SPAG16: variants seen among roughly 807,000 people sequenced by gnomAD.
The protein encoded by SPAG16 is sperm associated antigen 16.
Under a neutral mutation model 80.4 loss-of-function variants are expected in SPAG16, and 86 were observed. That is an observed-to-expected ratio of 1.07 (90% CI 0.90 to 1.28). The LOEUF (loss-of-function observed/expected upper bound fraction) is 1.28, where lower values mean the gene tolerates loss of function less well. Among genes scored for constraint, SPAG16 ranks in the 50% most tolerant of loss-of-function variants. SPAG16 has a pLI of 0.00. For missense variants in SPAG16, 870 were observed against 765.3 expected (o/e 1.14, Z -1.61); for synonymous variants, 294 against 265.9 (o/e 1.11, Z -1.03).
chr2:214,045,652 T>G (rs2049278214), intron 13 of SPAG16, among the ~76,000 whole-genome samples: 1 of 152,154 alleles, frequency 6.6e-6, no homozygotes, highest in South Asian at 2.1e-4. Context: ...TAAAATTTTC[T>G]TGAAACAAAT....
chr2:213,464,394 G>A (rs2072559450), intron 9 of SPAG16, among the ~76,000 whole-genome samples: 1 of 152,174 alleles, frequency 6.6e-6, no homozygotes, highest in Non-Finnish European at 1.5e-5. Context: ...AGATGGTACT[G>A]TATACCTAGT....
rs577613506 is a variant in SPAG16 at position 213,599,566 on chromosome 2, G to A, written c.1070+109476G>A. ...TTAGAATAACATTTTCTTTTCTATA[G>A]AGCTTACTTTATTGTAAGAATACAG... On this transcript the variant is annotated intron_variant, in intron 10 of 15. Transcript: ENST00000331683. Among the ~76,000 whole-genome samples, 15 of 152,192 alleles carry A rather than the reference G, an allele frequency of 9.9e-5. No individual in the cohort carries two copies. The East Asian group carries it at 2.9e-3, about 29-fold the overall frequency.
chr2:213,916,015 C>G (rs1268126523), intron 11 of SPAG16, among the ~76,000 whole-genome samples: 2 of 152,040 alleles, frequency 1.3e-5, no homozygotes, highest in Admixed American at 6.6e-5. Context: ...GGATATTAAT[C>G]CTTTGTCAGA....
chr2:213,753,328 T>C (rs1285957690), intron 10 of SPAG16, among the ~76,000 whole-genome samples: 2 of 152,142 alleles, frequency 1.3e-5, no homozygotes, highest in Non-Finnish European at 1.5e-5. Flanking sequence ...TTCAATCTTA[T>C]GCTATTTATC....
chr2:213,572,997 T>G (rs1310137628), intron 10 of SPAG16, among the ~76,000 whole-genome samples: 1 of 151,388 alleles, frequency 6.6e-6, no homozygotes, highest in Non-Finnish European at 1.5e-5. Flanking sequence ...AGTGACCCGA[T>G]TTTCCAGGTG....
chr2:213,944,849 G>A (rs1447798810), intron 12 of SPAG16, among the ~76,000 whole-genome samples: 2 of 151,966 alleles, frequency 1.3e-5, no homozygotes, highest in Non-Finnish European at 2.9e-5. Context: ...AGAGACATGA[G>A]ATGGCGAAAC....
intron 15 of SPAG16, among the ~76,000 whole-genome samples, chr2:214,250,512 A>G (rs17766701): frequency 0.061 from 9,188 of 150,668 alleles, 329 homozygotes; most frequent in Middle Eastern, 0.11. Flanking sequence ...TAGTATGTAC[A>G]GAAGGAAGAA....
chr2:213,982,113 C>T (rs1324193789), intron 12 of SPAG16, among the ~76,000 whole-genome samples: 1 of 149,392 alleles, frequency 6.7e-6, no homozygotes, highest in Non-Finnish European at 1.5e-5. Flanking sequence ...GTTATAATAA[C>T]GTTAGAGTTC....
At chr2:214,374,170 C>A (rs1356548470) in intron 15 of SPAG16, among the ~76,000 whole-genome samples, 2 of 152,210 alleles carry the variant, frequency 1.3e-5, no homozygotes, top group Non-Finnish European at 2.9e-5. Flanking sequence ...ATGTTATGGG[C>A]AACTTGTAAA....
intron 10 of SPAG16, among the ~76,000 whole-genome samples, chr2:213,556,960 T>G (rs1008967594): frequency 6.6e-6 from 1 of 152,156 alleles, no homozygotes; most frequent in African/African-American, 2.4e-5. Flanking sequence ...CAAAATAATA[T>G]CAGTCATGAT....
chr2:213,896,597 C>T (rs576416034), intron 11 of SPAG16, among the ~76,000 whole-genome samples: 31,518 of 141,048 alleles, frequency 0.22, 4,554 homozygotes, highest in South Asian at 0.35. Context: ...CACACGCACA[C>T]ACACACACAC....
At chr2:214,123,452 C>T (rs1320652985) in intron 14 of SPAG16, among the ~76,000 whole-genome samples, 1 of 151,840 alleles carries the variant, frequency 6.6e-6, no homozygotes, top group Admixed American at 6.6e-5. Context: ...ACTTTAAAAC[C>T]TTTTGGCATA....
intron 10 of SPAG16, among the ~76,000 whole-genome samples, chr2:213,556,171 C>G (rs1296967701): frequency 6.6e-6 from 1 of 151,182 alleles, no homozygotes; most frequent in African/African-American, 2.4e-5. Context: ...AAGAAAGGAA[C>G]AAAGGACCTA....
chr2:213,949,179 T>TTTTTTTTTTTTTGTTTTTTTTTTTG (rs1553677672), intron 12 of SPAG16, among the ~76,000 whole-genome samples: 32 of 36,252 alleles, frequency 8.8e-4, no homozygotes, highest in Non-Finnish European at 1.4e-3. Flanking sequence ...GTTTTTTTTT[T>TTTTTTTTTTTTTGTTTTTTTTTTTG]TTTTTTTTTT....
intron 12 of SPAG16, among the ~76,000 whole-genome samples, chr2:213,975,519 A>C (rs2045323527): frequency 6.6e-6 from 1 of 151,932 alleles, no homozygotes; most frequent in Non-Finnish European, 1.5e-5. Context: ...ACTGCAAATG[A>C]TGATGAGAAA....
intron 10 of SPAG16, among the ~76,000 whole-genome samples, chr2:213,859,179 A>C (rs2075308169): frequency 1.4e-5 from 1 of 71,242 alleles, no homozygotes; most frequent in Non-Finnish European, 3.0e-5. Context: ...ACTCCGTCTC[A>C]AAAAAAAAAA....
At chr2:214,120,337 C>CATTTCTTATAGAATGTAGT in intron 14 of SPAG16, among the ~76,000 whole-genome samples, 1 of 151,936 alleles carries the variant, frequency 6.6e-6, no homozygotes, top group Admixed American at 6.6e-5. Context: ...TCAATTACTA[C>CATTTCTTATAGAATGTAGT]ATTTCTTATA....
At chr2:214,158,422 G>C (rs1483919905) in intron 15 of SPAG16, among the ~76,000 whole-genome samples, 2 of 151,904 alleles carry the variant, frequency 1.3e-5, no homozygotes, top group African/African-American at 2.4e-5. Flanking sequence ...TGCTCAGCAA[G>C]ACTAAATTGT....
chr2:213,354,516 A>C (rs768036118), intron 7 of SPAG16, among the ~76,000 whole-genome samples: 1 of 152,148 alleles, frequency 6.6e-6, no homozygotes, highest in East Asian at 1.9e-4. Context: ...GTGTAAAATC[A>C]TTCCTATTTC....
Sources: allele counts gnomAD v4.1 joint callset (sites outside exome capture counted in the v4.1 genomes callset), GRCh38; gene constraint gnomAD v4.1.1; transcripts MANE v1.5; gene names NCBI Gene and HGNC (gene_info 2026-07-23, HGNC 2026-07-21).